Variants in TBC1D22A observed in about 807,000 individuals in gnomAD.
TBC1D22A encodes the protein putative GTPase activator.
In TBC1D22A, 38 loss-of-function variants were observed where a neutral mutation model predicts 60.2. The observed-to-expected ratio is 0.63, with a 90% CI of 0.49 to 0.83. The LOEUF (loss-of-function observed/expected upper bound fraction) is 0.83, where lower values mean the gene tolerates loss of function less well. Ranked by LOEUF, TBC1D22A falls within the 40% of genes least tolerant of loss-of-function variation. The probability of loss-of-function intolerance (pLI) is 0.00; values close to 1 mark genes in which losing one functional copy is unlikely to be tolerated. For missense variants in TBC1D22A, 628 were observed against 701.0 expected (o/e 0.90, Z 1.18); for synonymous variants, 302 against 281.7 (o/e 1.07, Z -0.72).
intron 11 of TBC1D22A, among the ~76,000 whole-genome samples, chr22:47,063,904 C>A (rs2063669774): frequency 6.6e-6 from 1 of 151,992 alleles, no homozygotes; most frequent in African/African-American, 2.4e-5. Flanking sequence ...TTTTCCTCTT[C>A]TGTGAGGACA....
rs904062489 is a variant in TBC1D22A at position 46,821,763 on chromosome 22, C to T, written c.637+24143C>T. 2.0e-5 allele frequency among the ~76,000 whole-genome samples: 3 copies of T among 152,026 alleles called. 1 individual carries two copies. Among genetic ancestry groups the T allele is most frequent in the Admixed American group, 1.3e-4 (2 of 15,262 alleles). On this transcript the variant is annotated intron_variant, in intron 4 of 12. Transcript: ENST00000337137. ...TCTTAATGGTGTTCTCTGTATTTCC[C>T]GAATTTACATGTTGGCCCGTCTTGC...
At chr22:46,896,635 A>G (rs533395744) in intron 7 of TBC1D22A, among the ~76,000 whole-genome samples, 1 of 152,126 alleles carries the variant, frequency 6.6e-6, no homozygotes, top group Non-Finnish European at 1.5e-5. Flanking sequence ...TGTCACTGCC[A>G]CATTCATATA....
chr22:46,953,816 T>A (rs910251284), intron 8 of TBC1D22A, among the ~76,000 whole-genome samples: 4 of 152,372 alleles, frequency 2.6e-5, no homozygotes, highest in Non-Finnish European at 2.9e-5. Flanking sequence ...AGTATTTACC[T>A]CTATCAGGTG....
chr22:46,812,489 C>T (rs1037044115), intron 4 of TBC1D22A, among the ~76,000 whole-genome samples: 2 of 152,200 alleles, frequency 1.3e-5, no homozygotes, highest in African/African-American at 4.8e-5. Flanking sequence ...GGGTTGGTCA[C>T]ACTGTGGGCT....
intron 7 of TBC1D22A, among the ~76,000 whole-genome samples, chr22:46,905,772 C>T (rs560111858): frequency 5.8e-4 from 88 of 152,356 alleles, no homozygotes; most frequent in Admixed American, 1.1e-3. Context: ...CAGGCTGTTC[C>T]TCAACCTGTG....
chr22:47,149,296 C>T (rs756879488), intron 12 of TBC1D22A, among the ~76,000 whole-genome samples: 8 of 152,252 alleles, frequency 5.3e-5, no homozygotes, highest in East Asian at 1.9e-4. Flanking sequence ...CTCACATCTG[C>T]TCCGTGGCAT....
intron 7 of TBC1D22A, among the ~76,000 whole-genome samples, chr22:46,900,149 G>T (rs1021424925): frequency 1.8e-4 from 26 of 144,994 alleles, no homozygotes; most frequent in Non-Finnish European, 2.1e-4. Context: ...GACAGCTGTG[G>T]TTTTTTTTTT....
chr22:47,154,368 A>G (rs2067628970), intron 12 of TBC1D22A, among the ~76,000 whole-genome samples: 1 of 152,012 alleles, frequency 6.6e-6, no homozygotes, highest in African/African-American at 2.4e-5. Context: ...GCTTGGTTTC[A>G]TCTCTGACTG....
chr22:47,017,906 T>C (rs1208973866), intron 10 of TBC1D22A, among the ~76,000 whole-genome samples: 1 of 152,284 alleles, frequency 6.6e-6, no homozygotes, highest in African/African-American at 2.4e-5. Flanking sequence ...AACTTTGTCC[T>C]GCTCTCTTGG....
chr22:47,113,229 C>T lies in TBC1D22A; in HGVS notation c.1425+1626C>T, dbSNP rs371583929. On this transcript the variant is annotated intron_variant, in intron 12 of 12. Coordinates refer to ENST00000337137, the MANE Select transcript of TBC1D22A (RefSeq NM_014346.5). ...GCACACACAACTGTATGCTGCCTCC[C>T]GGAGAGCCTCCCAGGGGACTTGCTC... 1.4e-3 allele frequency among the ~76,000 whole-genome samples: 215 copies of T among 152,314 alleles called. 2 individuals are homozygous for T. The highest frequency in any genetic ancestry group is 4.4e-3 in the African/African-American group (182 of 41,568).
chr22:47,084,057 C>G (rs1029839961), intron 11 of TBC1D22A, among the ~76,000 whole-genome samples: 1 of 152,218 alleles, frequency 6.6e-6, no homozygotes, highest in African/African-American at 2.4e-5. Flanking sequence ...AATTTGGCTT[C>G]ACCGGGGAGA....
At chr22:46,960,938 G>C (rs934355815) in intron 8 of TBC1D22A, among the ~76,000 whole-genome samples, 1 of 115,460 alleles carries the variant, frequency 8.7e-6, no homozygotes. Context: ...CTGGGAGACA[G>C]AGCGAGACAC....
chr22:46,965,921 C>T (rs1159478490), intron 8 of TBC1D22A, among the ~76,000 whole-genome samples: 1 of 152,196 alleles, frequency 6.6e-6, no homozygotes, highest in Non-Finnish European at 1.5e-5. Context: ...CTCGTTTCCA[C>T]AGCGCTGGCT....
chr22:46,987,363 T>A (rs2148191516), intron 9 of TBC1D22A, among the ~76,000 whole-genome samples: 1 of 152,318 alleles, frequency 6.6e-6, no homozygotes, highest in South Asian at 2.1e-4. Flanking sequence ...CACTTATTAT[T>A]GCTAGGAGCT....
At chr22:47,127,394 A>ATTTTTTTT (rs11387235) in intron 12 of TBC1D22A, among the ~76,000 whole-genome samples, 5 of 122,514 alleles carry the variant, frequency 4.1e-5, no homozygotes, top group Non-Finnish European at 3.3e-5. Context: ...CGCCCAGCTG[A>ATTTTTTTT]TTTTTTTTTT....
intron 4 of TBC1D22A, among the ~76,000 whole-genome samples, chr22:46,820,648 A>G (rs576948324): frequency 7.7e-4 from 118 of 152,316 alleles, no homozygotes; most frequent in African/African-American, 2.6e-3. Flanking sequence ...TTTACTTCCA[A>G]TTATGTGGTC....
chr22:47,147,224 A>G (rs762450427), intron 12 of TBC1D22A, among the ~76,000 whole-genome samples: 15 of 152,228 alleles, frequency 9.9e-5, no homozygotes, highest in Non-Finnish European at 4.4e-5. Context: ...AAGGAGCAAT[A>G]CTAAACCAAC....
intron 11 of TBC1D22A, among the ~76,000 whole-genome samples, chr22:47,039,581 A>T (rs1201573925): frequency 1.3e-5 from 2 of 151,902 alleles, no homozygotes; most frequent in African/African-American, 4.8e-5. Context: ...AATGAGGGGC[A>T]TTGTCATGAG....
chr22:46,796,236 C>G (rs1020531175), intron 3 of TBC1D22A, among the ~76,000 whole-genome samples: 1 of 152,164 alleles, frequency 6.6e-6, no homozygotes, highest in Admixed American at 6.5e-5. Flanking sequence ...GCAGACTTTT[C>G]TGGAAATTTA....
Sources: gnomAD v4.1 joint callset for allele counts (sites outside exome capture counted in the v4.1 genomes callset) on GRCh38, gnomAD v4.1.1 for gene constraint, MANE v1.5 for transcripts, NCBI Gene and HGNC (gene_info 2026-07-23, HGNC 2026-07-21) for gene names.